The following SGCD variants were observed in gnomAD, a reference collection of about 807,000 sequenced individuals.
SGCD encodes sarcoglycan delta.
In SGCD, 18 loss-of-function variants were observed where a neutral mutation model predicts 36.6. The observed-to-expected ratio is 0.49, with a 90% CI of 0.34 to 0.73. The LOEUF is 0.73. Ranked by LOEUF, SGCD falls within the 30% of genes least tolerant of loss-of-function variation. The pLI is 0.01. For missense variants in SGCD, 387 were observed against 346.7 expected (o/e 1.12, Z -0.92); for synonymous variants, 133 against 130.6 (o/e 1.02, Z -0.12).
chr5:156,023,129 G>T (rs758192387), intron 1 of SGCD, among the ~76,000 whole-genome samples: 2 of 152,192 alleles, frequency 1.3e-5, no homozygotes, highest in Admixed American at 1.3e-4. Context: ...CTTCACCTTT[G>T]AAATATGAAT....
In SGCD at chr5:156,284,015, G is replaced by A. The variant is rs951963173; in HGVS notation, c.-43-45519G>A. ...CATGGGTAACTTCTTAGGGATTTTT[G>A]TGGAAATAAAAGTCAAGAAAGGGTA... On this transcript the variant is annotated intron_variant, in intron 3 of 9. Transcript: ENST00000517913. 3.3e-5 allele frequency among the ~76,000 whole-genome samples: 5 copies of A among 152,066 alleles called. No homozygotes were observed. The East Asian group carries it at 7.7e-4, about 23-fold the overall frequency.
chr5:156,552,228 A>G (rs1758829034), intron 4 of SGCD, among the ~76,000 whole-genome samples: 1 of 152,214 alleles, frequency 6.6e-6, no homozygotes, highest in Non-Finnish European at 1.5e-5. Flanking sequence ...GATAACATCA[A>G]GGTGAGAGCC....
exon 3 of SGCD, chr5:156,123,926 A>ACCGT (rs1762109498): frequency 1.3e-5 from 2 of 152,160 alleles, no homozygotes; most frequent in Non-Finnish European, 2.9e-5. Flanking sequence ...GGCTGAGACA[A>ACCGT]CCGTCCCTTT....
At chr5:156,135,819 T>G (rs1477479259) in intron 3 of SGCD, among the ~76,000 whole-genome samples, 1 of 152,190 alleles carries the variant, frequency 6.6e-6, no homozygotes, top group African/African-American at 2.4e-5. Context: ...TTTGATACAC[T>G]TACTCCTTTA....
chr5:156,669,232 C>G (rs752484299), intron 7 of SGCD, among the ~76,000 whole-genome samples: 1 of 152,098 alleles, frequency 6.6e-6, no homozygotes, highest in Non-Finnish European at 1.5e-5. Flanking sequence ...CTGAGTGGGT[C>G]CAGAGATCCC....
intron 1 of SGCD, among the ~76,000 whole-genome samples, chr5:155,912,375 T>C (rs1756647752): frequency 6.6e-6 from 1 of 152,170 alleles, no homozygotes; most frequent in Non-Finnish European, 1.5e-5. Context: ...GGCAATAACA[T>C]TGAGAAATTA....
At chr5:156,348,158 G>A (rs1769043295) in intron 3 of SGCD, among the ~76,000 whole-genome samples, 1 of 151,864 alleles carries the variant, frequency 6.6e-6, no homozygotes, top group Non-Finnish European at 1.5e-5. Context: ...GAGGTATTAA[G>A]CACTGTTACG....
chr5:156,272,520 T>C (rs1172691818), intron 3 of SGCD, among the ~76,000 whole-genome samples: 1 of 152,210 alleles, frequency 6.6e-6, no homozygotes, highest in East Asian at 1.9e-4. Context: ...TGACTTCTCT[T>C]ATAATTTTCC....
chr5:156,080,265 C>G (rs1414937827), intron 1 of SGCD, among the ~76,000 whole-genome samples: 2 of 152,198 alleles, frequency 1.3e-5, no homozygotes, highest in African/African-American at 4.8e-5. Flanking sequence ...ATGAAATCAT[C>G]TAGTCCTCTT....
intron 4 of SGCD, among the ~76,000 whole-genome samples, chr5:156,530,780 A>G (rs943821028): frequency 6.6e-6 from 1 of 151,960 alleles, no homozygotes; most frequent in East Asian, 1.9e-4. Flanking sequence ...GGGTTTCCCC[A>G]TGTTGGCCAG....
chr5:156,605,668 G>C (rs1044725139), intron 6 of SGCD, among the ~76,000 whole-genome samples: 1 of 152,202 alleles, frequency 6.6e-6, no homozygotes, highest in Non-Finnish European at 1.5e-5. Flanking sequence ...CCCACCAACA[G>C]TGTAAAAGTG....
chr5:155,926,316 A>G (rs1412855692), intron 1 of SGCD, among the ~76,000 whole-genome samples: 1 of 152,054 alleles, frequency 6.6e-6, no homozygotes, highest in Non-Finnish European at 1.5e-5. Context: ...CATTTACCCT[A>G]TGTTTGTGCC....
At chr5:156,149,165 A>C (rs886881556) in intron 3 of SGCD, among the ~76,000 whole-genome samples, 2 of 152,194 alleles carry the variant, frequency 1.3e-5, no homozygotes, top group African/African-American at 4.8e-5. Flanking sequence ...TGTGGAGTAC[A>C]TGAGATGTTT....
intron 3 of SGCD, among the ~76,000 whole-genome samples, chr5:156,417,787 G>A (rs575110606): frequency 1.3e-5 from 2 of 152,154 alleles, no homozygotes; most frequent in Non-Finnish European, 2.9e-5. Context: ...AACATATGAA[G>A]TTGGGGGAGG....
intron 7 of SGCD, among the ~76,000 whole-genome samples, chr5:156,670,297 G>A (rs1348739699): frequency 6.6e-6 from 1 of 152,098 alleles, no homozygotes; most frequent in Non-Finnish European, 1.5e-5. Context: ...TTTATTTCCC[G>A]AAATTCCTAA....
intron 3 of SGCD, among the ~76,000 whole-genome samples, chr5:156,174,778 T>C (rs530463401): frequency 5.4e-4 from 82 of 152,248 alleles, no homozygotes; most frequent in African/African-American, 1.9e-3. Flanking sequence ...GAAAAAGATG[T>C]CAAATAAGAC....
chr5:155,942,737 G>C (rs1207047486), intron 1 of SGCD, among the ~76,000 whole-genome samples: 1 of 152,126 alleles, frequency 6.6e-6, no homozygotes, highest in Non-Finnish European at 1.5e-5. Context: ...TGTACAATAT[G>C]CAGGATACCT....
intron 6 of SGCD, among the ~76,000 whole-genome samples, chr5:156,646,428 G>A (rs965154466): frequency 5.9e-5 from 9 of 152,154 alleles, no homozygotes; most frequent in Non-Finnish European, 8.8e-5. Flanking sequence ...GGAACCTAAA[G>A]TCAACCTGGC....
At chr5:155,740,233 G>C in the SGCD span, among the ~76,000 whole-genome samples, 10 of 152,144 alleles carry the variant, frequency 6.6e-5, no homozygotes, top group African/African-American at 2.4e-4. Flanking sequence ...TGAGTAGCTG[G>C]GACTACAGAC....
Sources: gnomAD v4.1 joint callset for allele counts (sites outside exome capture counted in the v4.1 genomes callset) on GRCh38, gnomAD v4.1.1 for gene constraint, MANE v1.5 for transcripts, NCBI Gene and HGNC (gene_info 2026-07-23, HGNC 2026-07-21) for gene names.